Variants in CDIN1 observed in about 807,000 individuals in gnomAD.
CDIN1 encodes CDAN1-interacting nuclease 1.
Under a neutral mutation model 45.3 loss-of-function variants are expected in CDIN1, and 33 were observed. That is an observed-to-expected ratio of 0.73 (90% CI 0.55 to 0.97). The LOEUF is 0.97. CDIN1 is among the 50% of genes least tolerant of loss of function. The pLI is 0.00. For synonymous variants in CDIN1, 118 were observed against 124.4 expected (o/e 0.95, Z 0.34); for missense variants, 303 against 339.4 (o/e 0.89, Z 0.84).
chr15:36,705,990 G>T (rs943218760), intron 8 of CDIN1: 2 of 151,690 alleles, frequency 1.3e-5, no homozygotes, highest in African/African-American at 4.8e-5. Flanking sequence ...TTTTCTTGAA[G>T]AAAACATCTT....
rs541414562 is a variant in CDIN1, at chr15:36,799,581, G to T, written c.717-8743G>T. On this transcript the variant is annotated intron_variant, in intron 10 of 10. Transcript: ENST00000566621. Reference sequence around the variant, plus strand: ...GTTAAATAGTTGCCTTTTCCAGGAAGACTTCTAGAATCATTGTCATTGCTC... The same window carrying T: ...GTTAAATAGTTGCCTTTTCCAGGAATACTTCTAGAATCATTGTCATTGCTC... 2.6e-5 allele frequency: 4 copies of T among 152,290 alleles called. No homozygotes were observed. In the South Asian group the frequency reaches 8.3e-4, roughly 32 times the overall value. The allele number at this position is 152,290 out of a possible 1,614,324, so 9.4% of individuals were successfully genotyped here.
chr15:36,722,072 A>G lies in CDIN1; in HGVS notation c.716+12111A>G, dbSNP rs140416616. On this transcript the variant is annotated intron_variant, in intron 10 of 10. Transcript: ENST00000566621. ...GTTATGTCATCTATTTTGTTTTTTAACTTTGAACAGAGAGCTAATCTAGTC... is the reference window on the plus strand; with the variant it reads ...GTTATGTCATCTATTTTGTTTTTTAGCTTTGAACAGAGAGCTAATCTAGTC... 4.3e-4 allele frequency among the ~76,000 whole-genome samples: 66 copies of G among 152,032 alleles called. No homozygotes were observed. The East Asian group carries it at 0.013, about 30-fold the overall frequency.
At chr15:36,642,306 G>GC (rs1224895793) in intron 1 of CDIN1, among the ~76,000 whole-genome samples, 3 of 152,208 alleles carry the variant, frequency 2.0e-5, no homozygotes, top group Non-Finnish European at 4.4e-5. Flanking sequence ...AGACTACCTA[G>GC]CAAAGTTCAC....
At chr15:36,703,192 T>C (rs148721223) in intron 8 of CDIN1, among the ~76,000 whole-genome samples, 8 of 115,154 alleles carry the variant, frequency 6.9e-5, no homozygotes, top group African/African-American at 1.4e-4. Flanking sequence ...CACTCCAGCC[T>C]GGGCAATAGA....
chr15:36,775,684 A>G (rs540242255), intron 10 of CDIN1, among the ~76,000 whole-genome samples: 1 of 141,346 alleles, frequency 7.1e-6, no homozygotes, highest in South Asian at 2.5e-4. Flanking sequence ...AGCTTTTTCT[A>G]ATTTCATCTA....
At chr15:36,640,538 G>C in intron 1 of CDIN1, 25 of 703,644 alleles carry the variant, frequency 3.6e-5, no homozygotes, top group Non-Finnish European at 4.4e-5. Context: ...ACACATTTAA[G>C]CTTCCTAGAT....
chr15:36,753,271 A>G (rs971458247), intron 10 of CDIN1, among the ~76,000 whole-genome samples: 2 of 152,166 alleles, frequency 1.3e-5, no homozygotes, highest in Non-Finnish European at 2.9e-5. Flanking sequence ...GCTCAGCGCT[A>G]GTTCACAGGC....
intron 10 of CDIN1, among the ~76,000 whole-genome samples, chr15:36,744,087 T>C (rs979950634): frequency 1.3e-5 from 2 of 152,002 alleles, no homozygotes; most frequent in Admixed American, 1.3e-4. Flanking sequence ...TTTGCAAACA[T>C]TTTTTTCTGT....
intron 1 of CDIN1, among the ~76,000 whole-genome samples, chr15:36,606,848 A>G (rs2140254791): frequency 6.6e-6 from 1 of 152,302 alleles, no homozygotes; most frequent in Middle Eastern, 3.4e-3. Flanking sequence ...CCTGTCAATT[A>G]CCAGCAAGCT....
At chr15:36,738,144 C>T (rs12903547) in intron 10 of CDIN1, among the ~76,000 whole-genome samples, 38,645 of 151,866 alleles carry the variant, frequency 0.25, 5,152 homozygotes, top group East Asian at 0.4. Context: ...TTTGGCTTGG[C>T]GATTTCATCT....
chr15:36,621,057 C>T (rs753213657), intron 1 of CDIN1, among the ~76,000 whole-genome samples: 1 of 152,060 alleles, frequency 6.6e-6, no homozygotes, highest in Non-Finnish European at 1.5e-5. Flanking sequence ...ATATTAAAAG[C>T]CATGTTGTGT....
At chr15:36,667,625 CA>C (rs1050815902) in intron 5 of CDIN1, among the ~76,000 whole-genome samples, 1 of 152,030 alleles carries the variant, frequency 6.6e-6, no homozygotes, top group African/African-American at 2.4e-5. Context: ...TCAATAAAAC[CA>C]ATATTACGTC....
At chr15:36,692,631 G>T (rs1371131497) in intron 7 of CDIN1, among the ~76,000 whole-genome samples, 1 of 152,198 alleles carries the variant, frequency 6.6e-6, no homozygotes, top group Non-Finnish European at 1.5e-5. Context: ...ACATTTTAAA[G>T]GCAACAGATT....
chr15:36,751,237 A>ATATATATATATT (rs1328636431), intron 10 of CDIN1, among the ~76,000 whole-genome samples: 2 of 133,534 alleles, frequency 1.5e-5, no homozygotes, highest in East Asian at 4.5e-4. Context: ...TTTTATATAT[A>ATATATATATATT]TATATATATA....
chr15:36,680,376 C>T (rs2041807757), intron 5 of CDIN1, among the ~76,000 whole-genome samples: 1 of 152,120 alleles, frequency 6.6e-6, no homozygotes, highest in South Asian at 2.1e-4. Context: ...TAAGTATTCC[C>T]CTGAACTTAT....
chr15:36,637,814 A>G (rs888877899), intron 1 of CDIN1, among the ~76,000 whole-genome samples: 2 of 152,244 alleles, frequency 1.3e-5, no homozygotes, highest in African/African-American at 4.8e-5. Flanking sequence ...GAAAGAAGCC[A>G]GATGCAGAGT....
chr15:36,748,929 C>T (rs183991581), intron 10 of CDIN1, among the ~76,000 whole-genome samples: 1 of 152,254 alleles, frequency 6.6e-6, no homozygotes, highest in Admixed American at 6.5e-5. Flanking sequence ...CCTTCTCCGG[C>T]ATGTATCACT....
intron 10 of CDIN1, among the ~76,000 whole-genome samples, chr15:36,765,342 C>T (rs1595571277): frequency 1.3e-5 from 2 of 152,276 alleles, no homozygotes; most frequent in Admixed American, 1.3e-4. Flanking sequence ...AGGCGCGAGC[C>T]ACCATGCCCA....
intron 10 of CDIN1, among the ~76,000 whole-genome samples, chr15:36,748,791 A>C (rs557033702): frequency 6.6e-6 from 1 of 152,282 alleles, no homozygotes; most frequent in South Asian, 2.1e-4. Flanking sequence ...TTTTTTAAAA[A>C]CATCACCAAC....
Sources: gnomAD v4.1 joint callset for allele counts (sites outside exome capture counted in the v4.1 genomes callset) on GRCh38, gnomAD v4.1.1 for gene constraint, MANE v1.5 for transcripts, NCBI Gene and HGNC (gene_info 2026-07-23, HGNC 2026-07-21) for gene names.